AIG1: variants seen among roughly 807,000 people sequenced by gnomAD.
AIG1 encodes androgen-induced gene 1 protein.
A neutral mutation model predicts 31.4 loss-of-function variants in AIG1; 23 were observed. The observed-to-expected ratio is 0.73, with a 90% CI of 0.53 to 1.04. The LOEUF (loss-of-function observed/expected upper bound fraction) is 1.04, where lower values mean the gene tolerates loss of function less well. Among genes scored for constraint, AIG1 ranks in the 50% least tolerant of loss-of-function variants. AIG1 has a pLI of 0.00. For synonymous variants in AIG1, 100 were observed against 110.5 expected (o/e 0.90, Z 0.60); for missense variants, 274 against 295.0 (o/e 0.93, Z 0.52).
intron 4 of AIG1, among the ~76,000 whole-genome samples, chr6:143,314,069 C>T (rs1775525410): frequency 6.6e-6 from 1 of 150,524 alleles, no homozygotes; most frequent in Non-Finnish European, 1.5e-5. Context: ...AAATACTGGG[C>T]TGGGCACAGT....
chr6:143,147,992 C>A (rs557941688), intron 2 of AIG1, among the ~76,000 whole-genome samples: 1 of 152,148 alleles, frequency 6.6e-6, no homozygotes, highest in East Asian at 1.9e-4. Context: ...GAAGACTCTT[C>A]TGTTTTGCAG....
rs115855887 is a variant in AIG1 at position 143,243,338 on chromosome 6, G to A, written c.400-40772G>A. Among the ~76,000 whole-genome samples, 680 of 152,280 alleles carry A rather than the reference G, an allele frequency of 4.5e-3. 4 individuals are homozygous for A. Among genetic ancestry groups the A allele is most frequent in the African/African-American group, 0.015 (641 of 41,542 alleles). The stretch of plus-strand genomic sequence containing the variant: ...TAAATAATTCTAGAATGCATCATCA[G>A]GAGTGATATTCTTTCTATGCCAAAT... On this transcript the variant is annotated intron_variant, in intron 3 of 5. Transcript: ENST00000357847.
chr6:143,179,196 C>T (rs1472737201), intron 3 of AIG1, among the ~76,000 whole-genome samples: 1 of 152,156 alleles, frequency 6.6e-6, no homozygotes, highest in Non-Finnish European at 1.5e-5. Context: ...ACTGGTGCAC[C>T]TGGTCACCTG....
chr6:143,268,518 A>G lies in AIG1; in HGVS notation c.400-15592A>G, dbSNP rs1170962921. Among the ~76,000 whole-genome samples, 1 of 152,138 alleles carries G rather than the reference A, an allele frequency of 6.6e-6. No individual in the cohort carries two copies. The highest frequency in any genetic ancestry group is 1.5e-5 in the Non-Finnish European group (1 of 68,038). ...GGAGGCTTATTAGCTGTGCATGACC[A>G]TATATAAAATTACAGGGGCTGACTA... On this transcript the variant is annotated intron_variant, in intron 3 of 5. Transcript: ENST00000357847. The surrounding 1 kb of genome is among the most constrained non-coding windows in gnomAD (Gnocchi z 5.0).
intron 4 of AIG1, among the ~76,000 whole-genome samples, chr6:143,296,732 A>T (rs1176134513): frequency 6.6e-6 from 1 of 152,244 alleles, no homozygotes. Flanking sequence ...TTGTTATGGG[A>T]TGGAAATGGC....
At position 143,329,446 on chromosome 6, in the gene AIG1, G is replaced by A. The variant is rs766276974; in HGVS notation, c.516-3836G>A. 2.6e-5 allele frequency among the ~76,000 whole-genome samples: 4 copies of A among 152,148 alleles called. No individual in the cohort carries two copies. The highest frequency in any genetic ancestry group is 1.3e-4 in the Admixed American group (2 of 15,276). On this transcript the variant is annotated intron_variant, in intron 4 of 5. Coordinates refer to ENST00000357847, the MANE Select transcript of AIG1 (RefSeq NM_016108.4). This position sits in a 1 kb window ranked among gnomAD's most constrained non-coding sequence, Gnocchi z 4.9. ...GAGCTGTCTGCTTCTCTGCCTCGTA[G>A]GTTGCAAACCTGAGAATTTCACATT...
At chr6:143,128,932 C>A (rs1782946479) in intron 1 of AIG1, among the ~76,000 whole-genome samples, 1 of 152,172 alleles carries the variant, frequency 6.6e-6, no homozygotes, top group South Asian at 2.1e-4. Context: ...GAGGACTAAC[C>A]AGTGTGAGTT....
chr6:143,123,353 G>A (rs916999044), intron 1 of AIG1, among the ~76,000 whole-genome samples: 3 of 152,152 alleles, frequency 2.0e-5, no homozygotes, highest in Non-Finnish European at 4.4e-5. Flanking sequence ...CTTGAATCAA[G>A]CAGTGAAAAA....
intron 3 of AIG1, among the ~76,000 whole-genome samples, chr6:143,245,115 G>A (rs748996947): frequency 2.6e-5 from 4 of 151,908 alleles, no homozygotes; most frequent in Non-Finnish European, 4.4e-5. Context: ...AATGAACAAG[G>A]GTTTATTCAG....
At chr6:143,317,160 GA>G (rs1290519349) in intron 4 of AIG1, among the ~76,000 whole-genome samples, 1 of 152,012 alleles carries the variant, frequency 6.6e-6, no homozygotes, top group Non-Finnish European at 1.5e-5. Flanking sequence ...GTCATTCTAT[GA>G]AGCCAGTATC....
chr6:143,156,808 G>T (rs923595062), intron 2 of AIG1, among the ~76,000 whole-genome samples: 1 of 152,230 alleles, frequency 6.6e-6, no homozygotes, highest in Non-Finnish European at 1.5e-5. Context: ...TTGGGGCAGG[G>T]TCTTTATATC....
At chr6:143,184,119 C>G (rs567346622) in intron 3 of AIG1, among the ~76,000 whole-genome samples, 1 of 152,318 alleles carries the variant, frequency 6.6e-6, no homozygotes, top group East Asian at 1.9e-4. Context: ...CTTAAATCAC[C>G]TCGACAGTAT....
intron 3 of AIG1, among the ~76,000 whole-genome samples, chr6:143,195,251 G>A (rs561762454): frequency 1.2e-4 from 18 of 152,324 alleles, no homozygotes; most frequent in African/African-American, 4.1e-4. Context: ...ATAGCTGGAA[G>A]AGGAGGTAAA....
chr6:143,282,476 A>G (rs1017050909), intron 3 of AIG1, among the ~76,000 whole-genome samples: 2 of 152,198 alleles, frequency 1.3e-5, no homozygotes, highest in Admixed American at 1.3e-4. Flanking sequence ...TATAATGAAA[A>G]ACCAATAGAT....
At chr6:143,096,100 G>T (rs1294494365) in intron 1 of AIG1, among the ~76,000 whole-genome samples, 3 of 151,826 alleles carry the variant, frequency 2.0e-5, no homozygotes, top group Non-Finnish European at 2.9e-5. Context: ...TAGAGACAGG[G>T]TTTCACCATA....
rs771203075 is a variant in AIG1 at position 143,299,887 on chromosome 6, G to T, written c.515+15662G>T. 6.6e-6 allele frequency among the ~76,000 whole-genome samples: 1 copy of T among 152,168 alleles called. No homozygotes were observed. The highest frequency in any genetic ancestry group is 2.1e-4 in the South Asian group (1 of 4,820). ...AGATCAGATGTCACATCCTCCAGAAGCTTTCCCTGACATTCTGAGTCAGTG... is the reference window on the plus strand; with the variant it reads ...AGATCAGATGTCACATCCTCCAGAATCTTTCCCTGACATTCTGAGTCAGTG... On this transcript the variant is annotated intron_variant, in intron 4 of 5. Coordinates refer to ENST00000357847, the MANE Select transcript of AIG1 (RefSeq NM_016108.4). The surrounding 1 kb of genome is among the most constrained non-coding windows in gnomAD (Gnocchi z 4.1).
chr6:143,314,742 A>T (rs1775595363), intron 4 of AIG1, among the ~76,000 whole-genome samples: 1 of 152,144 alleles, frequency 6.6e-6, no homozygotes, highest in Non-Finnish European at 1.5e-5. Context: ...TCTCCAGCTT[A>T]ATCTATAGAT....
At chr6:143,116,969 T>G (rs1340644273) in intron 1 of AIG1, among the ~76,000 whole-genome samples, 1 of 152,026 alleles carries the variant, frequency 6.6e-6, no homozygotes, top group Non-Finnish European at 1.5e-5. Context: ...ATGTTCCTCA[T>G]CGACAAGGAA....
At chr6:143,146,154 A>G (rs1009274932) in intron 2 of AIG1, among the ~76,000 whole-genome samples, 3 of 152,222 alleles carry the variant, frequency 2.0e-5, no homozygotes, top group South Asian at 2.1e-4. Flanking sequence ...CCTAGAAATT[A>G]TCATGTCCTA....
Sources: allele counts gnomAD v4.1 joint callset (sites outside exome capture counted in the v4.1 genomes callset), GRCh38; gene constraint gnomAD v4.1.1; non-coding constraint Gnocchi (gnomAD v3.1); transcripts MANE v1.5; gene names NCBI Gene and HGNC (gene_info 2026-07-23, HGNC 2026-07-21).